Variants in GSG1 observed in about 807,000 individuals in gnomAD.
GSG1 encodes the protein germ cell-specific gene 1 protein.
Under a neutral mutation model 30.8 loss-of-function variants are expected in GSG1, and 28 were observed. The ratio of observed to expected loss-of-function variants is 0.91; its 90% confidence interval spans 0.67 to 1.25. GSG1 has a LOEUF of 1.25. Ranked by LOEUF, GSG1 falls within the 50% of genes most tolerant of loss-of-function variation. The probability of loss-of-function intolerance (pLI) is 0.00; values close to 1 mark genes in which losing one functional copy is unlikely to be tolerated. For synonymous variants in GSG1, 162 were observed against 178.0 expected, an observed-to-expected ratio of 0.91 and a Z score of 0.71; for missense variants, 435 against 444.7, an observed-to-expected ratio of 0.98 and a Z score of 0.20.
In GSG1 at chr12:13,089,436, C is replaced by G; in HGVS notation, c.365-160G>C. 3.2e-6 allele frequency: 4 copies of G among 1,263,078 alleles called. 1 individual carries two copies. In the South Asian group the frequency reaches 5.8e-5, roughly 18 times the overall value. The allele number at this position is 1,263,078 out of a possible 1,614,324, so 78.2% of individuals were successfully genotyped here. A position where few individuals can be genotyped will look rare whatever the true frequency, so the allele number is the denominator to read the frequency against. ...AGTACCAGGTGCTTTCTTCCCAGGCCGGTCACCTTTCAGTGCTCTTGGGCA... is the reference window on the plus strand; with the variant it reads ...AGTACCAGGTGCTTTCTTCCCAGGCGGGTCACCTTTCAGTGCTCTTGGGCA... On this transcript the variant is annotated intron_variant, in intron 2 of 6. Transcript: ENST00000651961.
chr12:13,095,554 G>T, intron 1 of GSG1: 1 of 1,572,126 alleles, frequency 6.4e-7, no homozygotes, highest in Non-Finnish European at 8.8e-7. Context: ...GTACAAAATA[G>T]CTGTAGACTG....
At position 13,101,095 on chromosome 12, in the gene GSG1, C is replaced by T. The variant is rs1016354249; in HGVS notation, c.48+2370G>A. ...GAGTGAATCAGAGGGGCAGCCACAT[C>T]TGCACATCCTGTGGGGCAATCGCTC... On this transcript the variant is annotated intron_variant, in intron 1 of 6. Coordinates refer to ENST00000651961, the MANE Select transcript of GSG1 (RefSeq NM_001080555.4). This position sits in a 1 kb window ranked among gnomAD's most constrained non-coding sequence, Gnocchi z 5.8. Among the ~76,000 whole-genome samples, 1 of 152,206 alleles carries T rather than the reference C, an allele frequency of 6.6e-6. No individual in the cohort carries two copies. The highest frequency in any genetic ancestry group is 1.5e-5 in the Non-Finnish European group (1 of 68,032).
Position 13,084,197 on chromosome 12 carries a change from G to A in GSG1, c.*704C>T, listed in dbSNP as rs1490316861. 1 of 152,116 alleles carries A rather than the reference G, an allele frequency of 6.6e-6. No individual in the cohort carries two copies. Among genetic ancestry groups the A allele is most frequent in the East Asian group, 1.9e-4 (1 of 5,178 alleles). The allele number at this position is 152,116 out of a possible 1,614,324, so 9.4% of individuals were successfully genotyped here. Reference sequence around the variant, plus strand: ...TCCAGAGAGGAGCCTATGCCCCCTTGTTCACTGGGAAGTCCCTGGTGTGAC... The same window carrying A: ...TCCAGAGAGGAGCCTATGCCCCCTTATTCACTGGGAAGTCCCTGGTGTGAC... On this transcript the variant is annotated 3_prime_UTR_variant, in exon 7 of 7. Coordinates refer to ENST00000651961, the MANE Select transcript of GSG1 (RefSeq NM_001080555.4).
At chr12:13,089,068 A>G in intron 3 of GSG1, 140 bp downstream of exon 3, 1 of 1,279,972 alleles carries the variant, frequency 7.8e-7, no homozygotes, top group Non-Finnish European at 1.1e-6. Context: ...AATGAATGGC[A>G]CAGCCAAGAG....
chr12:13,089,877 C>G (rs562751867), intron 2 of GSG1, among the ~76,000 whole-genome samples: 139 of 152,220 alleles, frequency 9.1e-4, no homozygotes, highest in African/African-American at 3.3e-3. Flanking sequence ...ATGGAGAAAC[C>G]CTGTCTCTCT....
chr12:13,097,832 C>T (rs1398036419), intron 1 of GSG1, among the ~76,000 whole-genome samples: 2 of 152,196 alleles, frequency 1.3e-5, no homozygotes, highest in Admixed American at 1.3e-4. Flanking sequence ...CCGTTCCTCC[C>T]CCTCTTCCAG....
chr12:13,093,007 G>T lies in GSG1; in HGVS notation c.49-2189C>A, dbSNP rs1046865611. 3.3e-5 allele frequency among the ~76,000 whole-genome samples: 5 copies of T among 151,486 alleles called. No homozygotes were observed. Among genetic ancestry groups the T allele is most frequent in the African/African-American group, 1.2e-4 (5 of 41,214 alleles). On this transcript the variant is annotated intron_variant, in intron 1 of 6. Coordinates refer to ENST00000651961, the MANE Select transcript of GSG1 (RefSeq NM_001080555.4). The surrounding 1 kb of genome is among the most constrained non-coding windows in gnomAD (Gnocchi z 4.6). Reference sequence around the variant, plus strand: ...GACGGGGTTTCACCATATTGGCCAGGCTGGTCTTAAACTCCTGATCTTAGG... The same window carrying T: ...GACGGGGTTTCACCATATTGGCCAGTCTGGTCTTAAACTCCTGATCTTAGG...
chr12:13,087,917 A>G lies in GSG1; in HGVS notation c.624T>C (p.Ser208=), dbSNP rs1489584184. 2.5e-6 allele frequency: 4 copies of G among 1,614,022 alleles called. No individual in the cohort carries two copies. The highest frequency in any genetic ancestry group is 2.7e-5 in the African/African-American group (2 of 74,940). The change falls in exon 5 of 7, where the codon TCT becomes TCC. Residue 208 remains serine, a synonymous_variant. Coordinates refer to ENST00000651961, the MANE Select transcript of GSG1 (RefSeq NM_001080555.4). ...LKLSAFAAVS[S]VLSGLLGMVA... ...CCAGGAGCAACTCACCTGACAGGAC[A>G]GAGGAAACAGCAGCAAAGGCGCTCA...
chr12:13,092,304 G>A (rs1866229484), intron 1 of GSG1, among the ~76,000 whole-genome samples: 1 of 152,180 alleles, frequency 6.6e-6, no homozygotes, highest in South Asian at 2.1e-4. Context: ...ACAGCAGGGG[G>A]ATCTTTCTGA....
chr12:13,084,514 G>T lies in GSG1; in HGVS notation c.*387C>A, dbSNP rs2120546079. ...GCGTACCATGGAAAGTTGAGCCACAGTCACACTACCGTTAATTTGCTCACC... is the reference window on the plus strand; with the variant it reads ...GCGTACCATGGAAAGTTGAGCCACATTCACACTACCGTTAATTTGCTCACC... On this transcript the variant is annotated 3_prime_UTR_variant, in exon 7 of 7. Transcript: ENST00000651961. 5.9e-6 allele frequency: 1 copy of T among 169,832 alleles called. No individual in the cohort carries two copies. Among genetic ancestry groups the T allele is most frequent in the South Asian group, 1.5e-4 (1 of 6,546 alleles). 10.5% of individuals were successfully genotyped at this position (169,832 alleles called of 1,614,324 possible).
intron 1 of GSG1, among the ~76,000 whole-genome samples, chr12:13,097,101 A>G (rs1866723131): frequency 6.6e-6 from 1 of 151,846 alleles, no homozygotes; most frequent in Non-Finnish European, 1.5e-5. Context: ...AAAAAAAAAA[A>G]GTGCAAATTA....
chr12:13,102,374 G>A (rs1407891040), intron 1 of GSG1, among the ~76,000 whole-genome samples: 1 of 152,172 alleles, frequency 6.6e-6, no homozygotes, highest in Non-Finnish European at 1.5e-5. Flanking sequence ...GCAACCAGAC[G>A]CTCCCATATT....
In GSG1 at chr12:13,101,207, C is replaced by T. The variant is rs1426723964; in HGVS notation, c.48+2258G>A. 6.6e-6 allele frequency among the ~76,000 whole-genome samples: 1 copy of T among 151,930 alleles called. No individual in the cohort carries two copies. Among genetic ancestry groups the T allele is most frequent in the African/African-American group, 2.4e-5 (1 of 41,398 alleles). ...GGGGCGGGGGCGTAACGGGTGGGGC[C>T]TCTCGGGGGTGCCTGGGCCGCGCCA... On this transcript the variant is annotated intron_variant, in intron 1 of 6. Coordinates refer to ENST00000651961, the MANE Select transcript of GSG1 (RefSeq NM_001080555.4). The surrounding 1 kb of genome is among the most constrained non-coding windows in gnomAD (Gnocchi z 5.8).
chr12:13,090,447 T>G, intron 2 of GSG1, 56 bp downstream of exon 2: 5 of 1,508,930 alleles, frequency 3.3e-6, no homozygotes, highest in Non-Finnish European at 3.6e-6. Flanking sequence ...CATGCCTGCA[T>G]TAGATCCCTT....
Position 13,084,266 on chromosome 12 carries a change from G to T in GSG1, c.*635C>A, listed in dbSNP as rs574108288. The T allele has an allele frequency of 6.6e-6, 1 of 152,348 alleles. No homozygotes were observed. The highest frequency in any genetic ancestry group is 2.1e-4 in the South Asian group (1 of 4,826). 9.4% of individuals were successfully genotyped at this position (152,348 alleles called of 1,614,324 possible). A position where few individuals can be genotyped will look rare whatever the true frequency, so the allele number is the denominator to read the frequency against. ...AGTCCAATCTGAATAGCCTTGGTGGGCTATTTCTAGAAGTGACCCTGACCC... is the reference window on the plus strand; with the variant it reads ...AGTCCAATCTGAATAGCCTTGGTGGTCTATTTCTAGAAGTGACCCTGACCC... On this transcript the variant is annotated 3_prime_UTR_variant, in exon 7 of 7. Transcript: ENST00000651961.
intron 1 of GSG1, among the ~76,000 whole-genome samples, chr12:13,100,639 A>G (rs1863128811): frequency 6.6e-6 from 1 of 152,172 alleles, no homozygotes; most frequent in Non-Finnish European, 1.5e-5. Flanking sequence ...TCTAACTGCA[A>G]TGTTTACATC....
chr12:13,098,645 C>T (rs572702743), intron 1 of GSG1, among the ~76,000 whole-genome samples: 1 of 151,928 alleles, frequency 6.6e-6, no homozygotes, highest in African/African-American at 2.4e-5. Context: ...CCCTTTCCAC[C>T]CCAGAACAGT....
intron 6 of GSG1, among the ~76,000 whole-genome samples, chr12:13,085,527 G>A (rs531391593): frequency 1.3e-5 from 2 of 152,012 alleles, no homozygotes; most frequent in East Asian, 3.9e-4. Context: ...TGCCTATTGT[G>A]TGTGTATGTC....
At chr12:13,089,461 A>G (rs1565531722) in intron 2 of GSG1, 185 bp from the exon 3 acceptor site, 20 of 838,414 alleles carry the variant, frequency 2.4e-5, no homozygotes, top group South Asian at 2.1e-4. Flanking sequence ...GCTCTTGGGC[A>G]GGGAAGAGGA....
Sources: gnomAD v4.1 joint callset for allele counts (sites outside exome capture counted in the v4.1 genomes callset) on GRCh38, gnomAD v4.1.1 for gene constraint, Gnocchi (gnomAD v3.1) non-coding constraint, MANE v1.5 for transcripts, NCBI Gene and HGNC (gene_info 2026-07-23, HGNC 2026-07-21) for gene names.